DDX60L: variants seen among roughly 807,000 people sequenced by gnomAD.
The protein encoded by DDX60L is probable ATP-dependent RNA helicase DDX60-like.
In DDX60L, 191 loss-of-function variants were observed where a neutral mutation model predicts 211.6. The observed-to-expected ratio is 0.90, with a 90% CI of 0.80 to 1.02. The LOEUF (loss-of-function observed/expected upper bound fraction) is 1.02, where lower values mean the gene tolerates loss of function less well. DDX60L is among the 50% of genes least tolerant of loss of function. DDX60L has a pLI of 0.00. For missense variants in DDX60L, 2,007 were observed against 1,984.1 expected (o/e 1.01, Z -0.22); for synonymous variants, 706 against 694.1 (o/e 1.02, Z -0.27).
chr4:168,457,950 C>T lies in DDX60L; in HGVS notation c.665G>A (p.Arg222Lys), dbSNP rs757439050. 6 of 1,572,578 alleles carry T rather than the reference C, an allele frequency of 3.8e-6. No homozygotes were observed. The South Asian group carries it at 5.9e-5, about 15-fold the overall frequency. ...KSLIQHLEEI[R>K]VLVLATHFEH... ...AAAATGAGTTGCTAATACTAAAACC[C>T]TTATTTCTTCCAAGTGTTGTATGAG... Residue 222 changes from arginine to lysine, a missense_variant, in exon 6 of 38, where the codon AGG becomes AAG. Transcript: ENST00000682922.
chr4:168,433,932 C>A (rs963543534), intron 10 of DDX60L, among the ~76,000 whole-genome samples: 42 of 152,184 alleles, frequency 2.8e-4, no homozygotes, highest in Admixed American at 2.0e-3. Context: ...CCCCCAACAA[C>A]CATTATTTTG....
intron 8 of DDX60L, among the ~76,000 whole-genome samples, chr4:168,451,967 A>G (rs1755866254): frequency 6.6e-6 from 1 of 152,142 alleles, no homozygotes; most frequent in African/African-American, 2.4e-5. Context: ...ACCTTTCCAG[A>G]CTGGGTTGTA....
At chr4:168,406,791 C>T (rs1038987598) in intron 22 of DDX60L, 85 bp from the exon 23 acceptor site, 30 of 1,008,036 alleles carry the variant, frequency 3.0e-5, no homozygotes, top group Middle Eastern at 5.8e-4. Flanking sequence ...ATGACTAAAC[C>T]CTCAAGTCTT....
chr4:168,449,652 C>CAAAAAAAAAAAAAAAAAA, intron 8 of DDX60L, among the ~76,000 whole-genome samples: 4 of 7,924 alleles, frequency 5.0e-4, no homozygotes, highest in Non-Finnish European at 6.8e-4. Flanking sequence ...AAAAAAAATG[C>CAAAAAAAAAAAAAAAAAA]AAAAAAAAAA....
At chr4:168,464,969 A>G (rs1757791192) in intron 4 of DDX60L, among the ~76,000 whole-genome samples, 1 of 152,120 alleles carries the variant, frequency 6.6e-6, no homozygotes, top group South Asian at 2.1e-4. Context: ...AGGACAGCAG[A>G]TATCTCTTTA....
chr4:168,463,445 G>T (rs1278712175), intron 4 of DDX60L, among the ~76,000 whole-genome samples: 1 of 152,158 alleles, frequency 6.6e-6, no homozygotes, highest in Non-Finnish European at 1.5e-5. Flanking sequence ...AGGGCGGAGG[G>T]TGGAGGGTGA....
Position 168,384,780 on chromosome 4 carries a change from G to T in DDX60L, c.3948C>A (p.Asp1316Glu). The change falls in exon 30 of 38, where the codon GAC (aspartate) becomes GAA (glutamate). Residue 1316 changes from aspartate to glutamate, a missense_variant. Physicochemically the swap from Asp to Glu is conservative, Grantham distance 45. Transcript: ENST00000682922. ...MSGRAGRRGQ[D>E]LLGNVYFFDI... ...CAAAGAAATACACATTTCCAAGCAG[G>T]TCTTGACCTCTTCTTCCAGCACGAC... The T allele has an allele frequency of 1.9e-6, 3 of 1,613,516 alleles. No individual in the cohort carries two copies. The highest frequency in any genetic ancestry group is 1.1e-5 in the South Asian group (1 of 90,994).
At chr4:168,466,380 A>G (rs2150121368) in intron 4 of DDX60L, among the ~76,000 whole-genome samples, 1 of 152,318 alleles carries the variant, frequency 6.6e-6, no homozygotes, top group African/African-American at 2.4e-5. Flanking sequence ...AATTATCACA[A>G]TAGAGAATCT....
chr4:168,392,904 T>C (rs540698975), intron 28 of DDX60L, among the ~76,000 whole-genome samples: 2 of 152,218 alleles, frequency 1.3e-5, no homozygotes, highest in Non-Finnish European at 2.9e-5. Context: ...ATAACACTTT[T>C]ATAACAATAT....
At chr4:168,435,751 T>C (rs1440327118) in intron 10 of DDX60L, among the ~76,000 whole-genome samples, 1 of 151,076 alleles carries the variant, frequency 6.6e-6, no homozygotes, top group African/African-American at 2.4e-5. Flanking sequence ...CCGGAAGAAA[T>C]TTTTTTCTTC....
intron 1 of DDX60L, among the ~76,000 whole-genome samples, chr4:168,477,492 GA>G: frequency 6.6e-6 from 1 of 151,678 alleles, no homozygotes; most frequent in Non-Finnish European, 1.5e-5. Context: ...AAAAATCCAT[GA>G]ATTGCAAGAT....
intron 30 of DDX60L, among the ~76,000 whole-genome samples, chr4:168,382,627 A>G (rs1209963069): frequency 6.6e-6 from 1 of 152,128 alleles, no homozygotes; most frequent in Non-Finnish European, 1.5e-5. Flanking sequence ...TAAAAATTTC[A>G]TATTGATCTA....
At chr4:168,443,631 G>A (rs1456026804) in intron 9 of DDX60L, among the ~76,000 whole-genome samples, 3 of 151,852 alleles carry the variant, frequency 2.0e-5, no homozygotes, top group Non-Finnish European at 4.4e-5. Context: ...CAGAGAGAAA[G>A]GTTGGGTTAC....
intron 10 of DDX60L, 32 bp downstream of exon 10, chr4:168,441,305 T>G (rs1164692886): frequency 6.4e-7 from 1 of 1,550,576 alleles, no homozygotes; most frequent in Admixed American, 2.0e-5. Context: ...ACAAACATGC[T>G]TTTGTTCCAC....
Position 168,453,241 on chromosome 4 carries a change from G to A in DDX60L, c.879C>T (p.Phe293=). Residue 293 remains phenylalanine, a synonymous_variant, in exon 8 of 38, where the codon TTC becomes TTT. Transcript: ENST00000682922. ...NCLSLQEVED[F]CRLRCLCVAF... is the part of the protein sequence containing the mutation. ...CCACACAGAGGCAACGCAGTCTGCA[G>A]AAATCTTCCACCTCCTGCAGGGATA... 1 of 1,612,810 alleles carries A rather than the reference G, an allele frequency of 6.2e-7. No individual in the cohort carries two copies. The highest frequency in any genetic ancestry group is 8.5e-7 in the Non-Finnish European group (1 of 1,179,278).
intron 4 of DDX60L, among the ~76,000 whole-genome samples, chr4:168,464,357 AAC>A (rs1170026139): frequency 6.6e-6 from 1 of 152,110 alleles, no homozygotes; most frequent in Admixed American, 6.6e-5. Flanking sequence ...AGAAATCAAT[AAC>A]ACATCTAGAA....
intron 14 of DDX60L, 69 bp from the exon 15 acceptor site, chr4:168,423,843 C>A: frequency 1.9e-6 from 2 of 1,030,338 alleles, no homozygotes; most frequent in Non-Finnish European, 2.8e-6. Context: ...TTACGACAAT[C>A]ATTGAGTTAA....
chr4:168,412,001 T>A (rs1287097858), intron 22 of DDX60L, among the ~76,000 whole-genome samples: 1 of 151,940 alleles, frequency 6.6e-6, no homozygotes, highest in Non-Finnish European at 1.5e-5. Flanking sequence ...ACCTGCTGCC[T>A]TGAAAAGATG....
chr4:168,471,645 T>C, intron 4 of DDX60L, 102 bp downstream of exon 4: 1 of 921,746 alleles, frequency 1.1e-6, no homozygotes, highest in Non-Finnish European at 1.6e-6. Context: ...TTTTATATTT[T>C]CTATGATGAC....
Sources: allele counts gnomAD v4.1 joint callset (sites outside exome capture counted in the v4.1 genomes callset), GRCh38; gene constraint gnomAD v4.1.1; transcripts MANE v1.5; gene names NCBI Gene and HGNC (gene_info 2026-07-23, HGNC 2026-07-21).